Variants in UNC5C observed in about 807,000 individuals in gnomAD.
UNC5C encodes the protein unc-5 netrin receptor C.
Under a neutral mutation model 99.8 loss-of-function variants are expected in UNC5C, and 47 were observed. The observed-to-expected ratio is 0.47, with a 90% confidence interval of 0.37 to 0.60. The LOEUF is 0.60. Ranked by LOEUF, UNC5C falls within the 20% of genes least tolerant of loss-of-function variation. UNC5C has a pLI of 0.00. For missense variants in UNC5C, 1,062 were observed against 1,165.9 expected, an observed-to-expected ratio of 0.91 and a Z score of 1.30; for synonymous variants, 487 against 452.2, an observed-to-expected ratio of 1.08 and a Z score of -0.98.
chr4:95,269,711 A>ATT (rs761307320), intron 4 of UNC5C, among the ~76,000 whole-genome samples: 13 of 144,182 alleles, frequency 9.0e-5, no homozygotes, highest in East Asian at 4.0e-4. Flanking sequence ...GGCCTTGACA[A>ATT]TTTTTTTTTT....
At chr4:95,301,151 T>C (rs1741857273) in intron 3 of UNC5C, among the ~76,000 whole-genome samples, 1 of 151,124 alleles carries the variant, frequency 6.6e-6, no homozygotes, top group African/African-American at 2.4e-5. Flanking sequence ...CTAAGAGGAA[T>C]ATGTGGCTCA....
At chr4:95,515,038 C>A (rs1477733603) in intron 1 of UNC5C, among the ~76,000 whole-genome samples, 1 of 152,032 alleles carries the variant, frequency 6.6e-6, no homozygotes, top group African/African-American at 2.4e-5. Context: ...AATGAAAGAT[C>A]TTAAATATAT....
intron 1 of UNC5C, among the ~76,000 whole-genome samples, chr4:95,443,726 G>A (rs1297141691): frequency 6.6e-6 from 1 of 151,374 alleles, no homozygotes; most frequent in Non-Finnish European, 1.5e-5. Context: ...AATATTAAGG[G>A]GTATAGAAAA....
intron 14 of UNC5C, among the ~76,000 whole-genome samples, chr4:95,180,357 C>G (rs1002356518): frequency 1.3e-5 from 2 of 152,196 alleles, no homozygotes; most frequent in African/African-American, 4.8e-5. Flanking sequence ...CTGTCCTCTG[C>G]ACCATGTTTT....
chr4:95,522,234 C>T (rs1056922466), intron 1 of UNC5C, among the ~76,000 whole-genome samples: 12 of 151,908 alleles, frequency 7.9e-5, no homozygotes, highest in Non-Finnish European at 1.3e-4. Context: ...TTGGAAAATA[C>T]CCTTCCTATA....
chr4:95,395,907 G>C (rs1450382506), intron 1 of UNC5C, among the ~76,000 whole-genome samples: 1 of 152,192 alleles, frequency 6.6e-6, no homozygotes, highest in Non-Finnish European at 1.5e-5. Context: ...AGACTGGCCT[G>C]TTGGCCTGTC....
At chr4:95,312,938 C>T (rs543017889) in intron 2 of UNC5C, among the ~76,000 whole-genome samples, 59 of 152,284 alleles carry the variant, frequency 3.9e-4, no homozygotes, top group South Asian at 3.7e-3. Context: ...GTTTAGCATT[C>T]TCTACATTGA....
Position 95,439,890 on chromosome 4 carries a change from C to G in UNC5C, c.125-104259G>C, listed in dbSNP as rs73838829. Among the ~76,000 whole-genome samples, 432 of 152,206 alleles carry G rather than the reference C, an allele frequency of 2.8e-3. 4 individuals carry two copies. Among genetic ancestry groups the G allele is most frequent in the African/African-American group, 9.8e-3 (408 of 41,520 alleles). On this transcript the variant is annotated intron_variant, in intron 1 of 15. Transcript: ENST00000453304. ...TTTCATGGCACCACTCTGTCACCAACTCCTTCCTAGAGGTTGAAATGTTAG... is the reference window on the plus strand; with the variant it reads ...TTTCATGGCACCACTCTGTCACCAAGTCCTTCCTAGAGGTTGAAATGTTAG...
intron 7 of UNC5C, among the ~76,000 whole-genome samples, chr4:95,223,077 A>G (rs1738533004): frequency 6.6e-6 from 1 of 152,190 alleles, no homozygotes. Context: ...TGTATTCTGA[A>G]GGTGGAAACT....
At chr4:95,484,444 A>G (rs777854099) in intron 1 of UNC5C, among the ~76,000 whole-genome samples, 1 of 151,406 alleles carries the variant, frequency 6.6e-6, no homozygotes, top group East Asian at 2.0e-4. Context: ...ATGCTTCCCA[A>G]CCACTGTGTA....
intron 1 of UNC5C, among the ~76,000 whole-genome samples, chr4:95,521,086 G>T (rs1439811314): frequency 6.6e-6 from 1 of 151,970 alleles, no homozygotes; most frequent in Non-Finnish European, 1.5e-5. Flanking sequence ...TCTGGAGACC[G>T]AGACCAGGAT....
At chr4:95,260,790 C>A (rs367631622) in intron 4 of UNC5C, among the ~76,000 whole-genome samples, 1 of 151,878 alleles carries the variant, frequency 6.6e-6, no homozygotes, top group African/African-American at 2.4e-5. Flanking sequence ...GAAATTGGGA[C>A]GACAGAGAAG....
intron 2 of UNC5C, among the ~76,000 whole-genome samples, chr4:95,316,878 C>T (rs1231467565): frequency 1.3e-5 from 2 of 151,226 alleles, no homozygotes; most frequent in African/African-American, 2.4e-5. Context: ...AGGTATTATC[C>T]CTATAAAAAG....
At chr4:95,292,958 A>G (rs2149400730) in intron 3 of UNC5C, among the ~76,000 whole-genome samples, 1 of 152,342 alleles carries the variant, frequency 6.6e-6, no homozygotes, top group African/African-American at 2.4e-5. Flanking sequence ...TTAACTCAAA[A>G]GAAAACAAAT....
intron 1 of UNC5C, among the ~76,000 whole-genome samples, chr4:95,480,335 G>A (rs1279265507): frequency 6.6e-6 from 1 of 151,816 alleles, no homozygotes; most frequent in Non-Finnish European, 1.5e-5. Flanking sequence ...GGAGAAAGAT[G>A]ACTAATAGGG....
Position 95,407,221 on chromosome 4 carries a change from G to A in UNC5C, c.125-71590C>T, listed in dbSNP as rs149757419. On this transcript the variant is annotated intron_variant, in intron 1 of 15. Transcript: ENST00000453304. ...TATCTAGAATTTTATATGCAGCACA[G>A]TATCGATTGACTATATGAAGAGAAT... Among the ~76,000 whole-genome samples, 1,205 of 152,250 alleles carry A rather than the reference G, an allele frequency of 7.9e-3. 19 individuals carry two copies. Among genetic ancestry groups the A allele is most frequent in the African/African-American group, 0.027 (1,125 of 41,536 alleles).
At chr4:95,509,828 G>A (rs1289132045) in intron 1 of UNC5C, among the ~76,000 whole-genome samples, 2 of 151,870 alleles carry the variant, frequency 1.3e-5, no homozygotes, top group Non-Finnish European at 2.9e-5. Flanking sequence ...GAAAAGGTAA[G>A]TATTAATCAG....
rs75333493 is a variant in UNC5C, at chr4:95,442,227, A to G, written c.124+106507T>C. 6.2e-3 allele frequency among the ~76,000 whole-genome samples: 937 copies of G among 152,162 alleles called. 10 individuals carry two copies. Among genetic ancestry groups the G allele is most frequent in the African/African-American group, 0.02 (846 of 41,510 alleles). Reference sequence around the variant, plus strand: ...TTTATTTGTTTGTTTGTTTTGAAACAGGGTTTGGTCTGTTGCCCAGGCTGG... The same window carrying G: ...TTTATTTGTTTGTTTGTTTTGAAACGGGGTTTGGTCTGTTGCCCAGGCTGG... On this transcript the variant is annotated intron_variant, in intron 1 of 15. Coordinates refer to ENST00000453304, the MANE Select transcript of UNC5C (RefSeq NM_003728.4).
chr4:95,288,909 GT>G (rs34365310), intron 3 of UNC5C, among the ~76,000 whole-genome samples: 99,773 of 152,026 alleles, frequency 0.66, 33,737 homozygotes, highest in African/African-American at 0.83. Flanking sequence ...TCCACATAAG[GT>G]TAATATTTAC....
Sources: gnomAD v4.1 joint callset for allele counts (sites outside exome capture counted in the v4.1 genomes callset) on GRCh38, gnomAD v4.1.1 for gene constraint, MANE v1.5 for transcripts, NCBI Gene and HGNC (gene_info 2026-07-23, HGNC 2026-07-21) for gene names.